TMPRSS11D: variants seen among roughly 807,000 people sequenced by gnomAD.
TMPRSS11D encodes transmembrane protease serine 11D.
A neutral mutation model predicts 44.4 loss-of-function variants in TMPRSS11D; 32 were observed. That is an observed-to-expected ratio of 0.72 (90% CI 0.54 to 0.97). The LOEUF is 0.97. Among genes scored for constraint, TMPRSS11D ranks in the 50% least tolerant of loss-of-function variants. The probability of loss-of-function intolerance (pLI) is 0.00; values close to 1 mark genes in which losing one functional copy is unlikely to be tolerated. For synonymous variants in TMPRSS11D, 179 were observed against 177.9 expected (o/e 1.01, Z -0.05); for missense variants, 446 against 502.6 (o/e 0.89, Z 1.08).
chr4:67,859,026 AACTG>A (rs1718728331), intron 2 of TMPRSS11D, among the ~76,000 whole-genome samples: 4 of 152,184 alleles, frequency 2.6e-5, no homozygotes, highest in Admixed American at 2.6e-4. Flanking sequence ...TTAACATCTC[AACTG>A]AAAATTTATC....
chr4:67,836,881 A>T (rs1317745356), intron 5 of TMPRSS11D, among the ~76,000 whole-genome samples: 1 of 152,094 alleles, frequency 6.6e-6, no homozygotes, highest in Non-Finnish European at 1.5e-5. Flanking sequence ...TTCTCTGGGA[A>T]CTTTCTTTTT....
rs1355395399 is a variant in TMPRSS11D, at chr4:67,855,525, AAACTAGGCTTAGAAGGG to A, written c.131-1356_131-1340del. Among the ~76,000 whole-genome samples the A allele has an allele frequency of 2.6e-5, 4 of 152,122 alleles. No homozygotes were observed. In the East Asian group the frequency reaches 7.7e-4, roughly 29 times the overall value. ...TCCCATCATAACAAGAACTCTCAAC[AAACTAGGCTTAGAAGGG>A]ACATACCTCAACAACATAAAGGCTG... On this transcript the variant is annotated intron_variant, in intron 2 of 9. Transcript: ENST00000283916.
intron 7 of TMPRSS11D, among the ~76,000 whole-genome samples, chr4:67,832,036 A>T (rs2109662858): frequency 6.6e-6 from 1 of 152,296 alleles, no homozygotes; most frequent in Middle Eastern, 3.4e-3. Flanking sequence ...ATTTCATAAA[A>T]TTCAAATAGA....
chr4:67,835,345 T>C (rs1718052101), intron 5 of TMPRSS11D, among the ~76,000 whole-genome samples: 1 of 152,148 alleles, frequency 6.6e-6, no homozygotes. Context: ...TTTCCCAATT[T>C]GTTGTTATGC....
Position 67,833,393 on chromosome 4 carries a change from G to A in TMPRSS11D, c.515-12C>T. ...ACCGGCCCCACATTCTAATGAGAAA[G>A]GGCATTAATGTGCTGGGAAGATCAT... On this transcript the variant is annotated splice_polypyrimidine_tract_variant and intron_variant, in intron 6 of 9. Coordinates refer to ENST00000283916, the MANE Select transcript of TMPRSS11D (RefSeq NM_004262.3). 1 of 1,471,704 alleles carries A rather than the reference G, an allele frequency of 6.8e-7. No homozygotes were observed. The highest frequency in any genetic ancestry group is 1.8e-4 in the Middle Eastern group (1 of 5,508). 91.2% of individuals were successfully genotyped at this position (1,471,704 alleles called of 1,614,324 possible).
At chr4:67,850,369 T>C (rs1718472240) in intron 3 of TMPRSS11D, among the ~76,000 whole-genome samples, 1 of 152,084 alleles carries the variant, frequency 6.6e-6, no homozygotes, top group Admixed American at 6.6e-5. Context: ...ATTTTTGTCG[T>C]GCATATGCCA....
chr4:67,825,890 G>A lies in TMPRSS11D; in HGVS notation c.953-16C>T, dbSNP rs1348070309. 1.6e-5 allele frequency: 25 copies of A among 1,593,486 alleles called. No individual in the cohort carries two copies. Among genetic ancestry groups the A allele is most frequent in the Admixed American group, 6.9e-5 (4 of 57,698 alleles). On this transcript the variant is annotated splice_polypyrimidine_tract_variant and intron_variant, in intron 8 of 9. Transcript: ENST00000283916. ...ACTGTGTGGCCTGTTTGTTATAAAA[G>A]CAGGAAAAAAATGGACTTCAAGATG... is the stretch of plus-strand genomic sequence containing the variant.
chr4:67,845,770 G>T (rs9990528), intron 3 of TMPRSS11D, among the ~76,000 whole-genome samples: 107,698 of 151,982 alleles, frequency 0.71, 40,665 homozygotes, highest in Middle Eastern at 0.83. Flanking sequence ...GAATAGTCTA[G>T]AATCCTTAAT....
intron 9 of TMPRSS11D, among the ~76,000 whole-genome samples, chr4:67,823,221 A>C (rs1014783796): frequency 1.3e-5 from 2 of 152,172 alleles, no homozygotes; most frequent in Non-Finnish European, 2.9e-5. Flanking sequence ...GATGCATAGT[A>C]TATCATCAGA....
Position 67,859,542 on chromosome 4 carries a change from T to C in TMPRSS11D, c.130+15A>G, listed in dbSNP as rs765663359. ...AGCTATTAAATCTGAAGAGTAATAA[T>C]GTTCTGGTACTTACCAAAAGCTAAA... On this transcript the variant is annotated intron_variant, in intron 2 of 9. Coordinates refer to ENST00000283916, the MANE Select transcript of TMPRSS11D (RefSeq NM_004262.3). 7 of 1,610,732 alleles carry C rather than the reference T, an allele frequency of 4.3e-6. No homozygotes were observed. In the East Asian group the frequency reaches 1.3e-4, roughly 31 times the overall value.
At chr4:67,883,856 C>A (rs1719385219) in intron 1 of TMPRSS11D, 70 bp downstream of exon 1, 1 of 1,353,286 alleles carries the variant, frequency 7.4e-7, no homozygotes, top group East Asian at 2.4e-5. Context: ...TGCTAAGCTT[C>A]TTTATATTTT....
At chr4:67,883,312 T>A (rs1380585075) in intron 1 of TMPRSS11D, among the ~76,000 whole-genome samples, 1 of 152,040 alleles carries the variant, frequency 6.6e-6, no homozygotes, top group African/African-American at 2.4e-5. Flanking sequence ...TGTGACTTGA[T>A]TATCTCACAA....
chr4:67,831,363 G>A (rs1717941183), intron 7 of TMPRSS11D, among the ~76,000 whole-genome samples: 1 of 152,090 alleles, frequency 6.6e-6, no homozygotes, highest in Non-Finnish European at 1.5e-5. Flanking sequence ...TCTTTAGGGA[G>A]GGGTCCAATA....
At chr4:67,874,913 G>GA (rs770318030) in intron 1 of TMPRSS11D, among the ~76,000 whole-genome samples, 24 of 151,714 alleles carry the variant, frequency 1.6e-4, no homozygotes, top group East Asian at 5.8e-4. Flanking sequence ...TGTTCTCATA[G>GA]AAAAAAAAGG....
intron 3 of TMPRSS11D, among the ~76,000 whole-genome samples, chr4:67,847,608 C>G (rs1718388829): frequency 6.6e-6 from 1 of 152,154 alleles, no homozygotes; most frequent in African/African-American, 2.4e-5. Flanking sequence ...ACTGTCTACC[C>G]TTCCCTCAGA....
At chr4:67,844,433 G>A (rs928445088) in intron 3 of TMPRSS11D, among the ~76,000 whole-genome samples, 1 of 151,964 alleles carries the variant, frequency 6.6e-6, no homozygotes, top group Admixed American at 6.6e-5. Flanking sequence ...AGTACTTTAT[G>A]TTTCTTTTTT....
At chr4:67,852,853 G>A (rs1225477648) in intron 3 of TMPRSS11D, among the ~76,000 whole-genome samples, 2 of 152,144 alleles carry the variant, frequency 1.3e-5, no homozygotes, top group Non-Finnish European at 2.9e-5. Context: ...AATGGATATG[G>A]AGCTGTCTTC....
chr4:67,855,810 C>G (rs1718622098), intron 2 of TMPRSS11D, among the ~76,000 whole-genome samples: 1 of 152,102 alleles, frequency 6.6e-6, no homozygotes, highest in African/African-American at 2.4e-5. Context: ...CCTAAAGACT[C>G]CACCAAAAAA....
intron 1 of TMPRSS11D, chr4:67,860,348 G>C (rs1382188726): frequency 6.6e-6 from 1 of 152,104 alleles, no homozygotes; most frequent in African/African-American, 2.4e-5. Context: ...TGACACTGGG[G>C]AAGTCACCAG....
Sources: allele counts gnomAD v4.1 joint callset (sites outside exome capture counted in the v4.1 genomes callset), GRCh38; gene constraint gnomAD v4.1.1; transcripts MANE v1.5; gene names NCBI Gene and HGNC (gene_info 2026-07-23, HGNC 2026-07-21).